PDCD10: variants seen among roughly 807,000 people sequenced by gnomAD.
PDCD10 encodes the protein programmed cell death 10, also known as programmed cell death protein 10.
A neutral mutation model predicts 29.2 loss-of-function variants in PDCD10; 4 were observed. The ratio of observed to expected loss-of-function variants is 0.14; its 90% CI spans 0.07 to 0.31. The LOEUF (loss-of-function observed/expected upper bound fraction) is 0.31, where lower values mean the gene tolerates loss of function less well. Ranked by LOEUF, PDCD10 falls within the 10% of genes least tolerant of loss-of-function variation. The pLI is 1.00. For missense variants in PDCD10, 183 were observed against 257.9 expected, an observed-to-expected ratio of 0.71 and a Z score of 1.99; for synonymous variants, 70 against 82.2, an observed-to-expected ratio of 0.85 and a Z score of 0.80.
Position 167,703,576 on chromosome 3 carries a change from C to T in PDCD10, c.150+1266G>A, listed in dbSNP as rs142813384. Among the ~76,000 whole-genome samples, 1,312 of 152,046 alleles carry T rather than the reference C, an allele frequency of 8.6e-3. 15 individuals carry two copies. Among genetic ancestry groups the T allele is most frequent in the African/African-American group, 0.03 (1,227 of 41,468 alleles). On this transcript the variant is annotated intron_variant, in intron 4 of 8. Coordinates refer to ENST00000392750, the MANE Select transcript of PDCD10 (RefSeq NM_007217.4). The stretch of plus-strand genomic sequence containing the variant: ...AATATAAATGTATTCCACATTTAAA[C>T]ATTAAAATACTTTACCTAAAACACA...
At chr3:167,732,575 C>T (rs1452011631) in intron 2 of PDCD10, among the ~76,000 whole-genome samples, 2 of 152,016 alleles carry the variant, frequency 1.3e-5, no homozygotes, top group Non-Finnish European at 2.9e-5. Context: ...ATCCACCATC[C>T]GAATAGAAGA....
At chr3:167,700,654 T>G (rs1721309736) in intron 4 of PDCD10, among the ~76,000 whole-genome samples, 1 of 152,104 alleles carries the variant, frequency 6.6e-6, no homozygotes, top group Non-Finnish European at 1.5e-5. Flanking sequence ...CCTAATATGA[T>G]TCAAGAAAAA....
chr3:167,694,475 C>T (rs1257077784), intron 6 of PDCD10: 1 of 154,952 alleles, frequency 6.5e-6, no homozygotes, highest in Non-Finnish European at 1.4e-5. Flanking sequence ...CTACTCTTTT[C>T]TCTTTTGTTT....
intron 2 of PDCD10, among the ~76,000 whole-genome samples, chr3:167,733,157 A>G (rs781570185): frequency 3.3e-5 from 5 of 152,220 alleles, no homozygotes; most frequent in Admixed American, 6.5e-5. Context: ...TACATTCAAA[A>G]TTCAGCATAG....
At chr3:167,724,463 G>A (rs1723886969) in intron 2 of PDCD10, among the ~76,000 whole-genome samples, 1 of 152,188 alleles carries the variant, frequency 6.6e-6, no homozygotes, top group African/African-American at 2.4e-5. Context: ...GTTAAGAGAA[G>A]TGTGTTCATT....
At chr3:167,724,034 G>GACC (rs1225575555) in intron 2 of PDCD10, among the ~76,000 whole-genome samples, 2 of 152,140 alleles carry the variant, frequency 1.3e-5, no homozygotes, top group African/African-American at 4.8e-5. Flanking sequence ...TAAATCTTTG[G>GACC]TGTTTCTGCC....
chr3:167,725,237 A>AC (rs1033458148), intron 2 of PDCD10, among the ~76,000 whole-genome samples: 9 of 147,746 alleles, frequency 6.1e-5, no homozygotes, highest in African/African-American at 2.3e-4. Flanking sequence ...AGCCTGGGCA[A>AC]CAGAGCGAGA....
At chr3:167,709,725 T>C (rs918493075) in intron 3 of PDCD10, among the ~76,000 whole-genome samples, 1 of 152,092 alleles carries the variant, frequency 6.6e-6, no homozygotes, top group Non-Finnish European at 1.5e-5. Context: ...TAGGACAGCA[T>C]GCAACCAAAA....
chr3:167,691,191 A>C (rs1170411837), intron 6 of PDCD10, among the ~76,000 whole-genome samples: 1 of 152,202 alleles, frequency 6.6e-6, no homozygotes, highest in African/African-American at 2.4e-5. Context: ...ACATACATGA[A>C]AATGTACCAA....
intron 2 of PDCD10, among the ~76,000 whole-genome samples, chr3:167,721,019 G>A (rs1277974900): frequency 6.6e-6 from 1 of 152,058 alleles, no homozygotes; most frequent in African/African-American, 2.4e-5. Context: ...AAGAAATTTT[G>A]CCTTGAGGTG....
intron 2 of PDCD10, among the ~76,000 whole-genome samples, chr3:167,729,371 C>T (rs1724552769): frequency 6.6e-6 from 1 of 152,178 alleles, no homozygotes; most frequent in South Asian, 2.1e-4. Flanking sequence ...TAAGACATAA[C>T]TGCTCTGTAA....
chr3:167,699,614 T>C (rs1259423997), intron 4 of PDCD10, among the ~76,000 whole-genome samples: 7 of 152,178 alleles, frequency 4.6e-5, no homozygotes, highest in African/African-American at 9.7e-5. Context: ...ATGAACCCTG[T>C]AGGGTGTCTA....
chr3:167,685,186 C>A (rs1162279080), intron 8 of PDCD10, among the ~76,000 whole-genome samples: 1 of 151,844 alleles, frequency 6.6e-6, no homozygotes, highest in Admixed American at 6.6e-5. Context: ...CCAAGGTGGG[C>A]GGATCATGAG....
At chr3:167,725,614 CCA>C (rs1724035369) in intron 2 of PDCD10, 1 of 151,590 alleles carries the variant, frequency 6.6e-6, no homozygotes, top group Admixed American at 6.6e-5. Flanking sequence ...TCTTCCATTT[CCA>C]GTTTTCTTAA....
intron 3 of PDCD10, among the ~76,000 whole-genome samples, chr3:167,711,831 G>C (rs1722550616): frequency 2.0e-5 from 3 of 152,052 alleles, no homozygotes; most frequent in Admixed American, 2.0e-4. Context: ...CTTTTCAGTG[G>C]AAACCTTACA....
intron 4 of PDCD10, among the ~76,000 whole-genome samples, chr3:167,698,146 CTT>C (rs995870412): frequency 2.6e-4 from 40 of 152,240 alleles, no homozygotes; most frequent in African/African-American, 8.2e-4. Context: ...ATTATAACAT[CTT>C]GTTTCTCATT....
chr3:167,703,260 AAAGAAG>A (rs1448256935), intron 4 of PDCD10, among the ~76,000 whole-genome samples: 1 of 152,082 alleles, frequency 6.6e-6, no homozygotes, highest in Non-Finnish European at 1.5e-5. Context: ...ACTGACACTC[AAAGAAG>A]AAAACAACAA....
At chr3:167,721,634 A>G (rs760548763) in intron 2 of PDCD10, among the ~76,000 whole-genome samples, 4 of 152,208 alleles carry the variant, frequency 2.6e-5, no homozygotes, top group Non-Finnish European at 5.9e-5. Context: ...GTATTCCACC[A>G]TATCGCTACC....
intron 3 of PDCD10, among the ~76,000 whole-genome samples, chr3:167,712,499 T>C (rs1459125420): frequency 1.3e-5 from 2 of 151,532 alleles, no homozygotes; most frequent in African/African-American, 4.8e-5. Flanking sequence ...AATTAAAACA[T>C]ACCACCAGAG....
Sources: allele counts gnomAD v4.1 joint callset (sites outside exome capture counted in the v4.1 genomes callset), GRCh38; gene constraint gnomAD v4.1.1; transcripts MANE v1.5; gene names NCBI Gene and HGNC (gene_info 2026-07-23, HGNC 2026-07-21).